TMEM50B: variants seen among roughly 807,000 people sequenced by gnomAD.
The protein encoded by TMEM50B is transmembrane protein 50B.
TMEM50B carries 14 observed loss-of-function variants against 23.4 expected under a neutral mutation model. The observed-to-expected ratio is 0.60, with a 90% confidence interval of 0.39 to 0.93. The LOEUF is 0.93. Ranked by LOEUF, TMEM50B falls within the 40% of genes least tolerant of loss-of-function variation. TMEM50B has a pLI of 0.00. For synonymous variants in TMEM50B, 64 were observed against 62.3 expected (o/e 1.03, Z -0.13); for missense variants, 159 against 193.0 (o/e 0.82, Z 1.04).
Position 33,450,738 on chromosome 21 carries a change from T to C in TMEM50B, c.*80A>G. On this transcript the variant is annotated 3_prime_UTR_variant, in exon 7 of 7. Transcript: ENST00000542230. The stretch of plus-strand genomic sequence containing the variant: ...ACATTTAATGTACAATCTACTCCAT[T>C]TGGCAATGTGTACTGAGAGATAAAA... The C allele has an allele frequency of 3.8e-6, 4 of 1,060,576 alleles. No homozygotes were observed. The highest frequency in any genetic ancestry group is 2.4e-5 in the East Asian group (1 of 41,786). 65.7% of individuals were successfully genotyped at this position (1,060,576 alleles called of 1,614,324 possible). A position where few individuals can be genotyped will look rare whatever the true frequency, so the allele number is the denominator to read the frequency against.
chr21:33,473,478 A>C (rs1601135103), intron 1 of TMEM50B, among the ~76,000 whole-genome samples: 1 of 147,050 alleles, frequency 6.8e-6, no homozygotes, highest in African/African-American at 2.5e-5. Flanking sequence ...AAAAAAAAAA[A>C]CTCAATCCCA....
chr21:33,468,017 T>C (rs1221971936), intron 2 of TMEM50B, among the ~76,000 whole-genome samples: 1 of 143,550 alleles, frequency 7.0e-6, no homozygotes, highest in East Asian at 2.0e-4. Context: ...CATCTGTAAA[T>C]AGCAACTGTA....
At chr21:33,432,715 C>A in exon 9 of TMEM50B, 1 of 1,614,112 alleles carries the variant, frequency 6.2e-7, no homozygotes, top group South Asian at 1.1e-5. Flanking sequence ...TCTTTTTAGC[C>A]TCCACTGAGC....
At chr21:33,462,090 T>A (rs1296426092) in intron 4 of TMEM50B, among the ~76,000 whole-genome samples, 1 of 152,188 alleles carries the variant, frequency 6.6e-6, no homozygotes, top group East Asian at 1.9e-4. Context: ...CTAAGTACAA[T>A]GATCATTTTT....
At chr21:33,447,101 C>A (rs1341351378), downstream of TMEM50B, 1 of 150,638 alleles carries the variant, frequency 6.6e-6, no homozygotes, top group Non-Finnish European at 1.5e-5. Context: ...TGAGATTGCA[C>A]CACTACACTC....
chr21:33,432,545 ATTGACT>A, exon 9 of TMEM50B: 1 of 877,508 alleles, frequency 1.1e-6, no homozygotes, highest in Admixed American at 1.9e-5. Context: ...TCATTACAGG[ATTGACT>A]TTAGCTATTA....
At chr21:33,447,679 A>AAT (rs1269955191), downstream of TMEM50B, among the ~76,000 whole-genome samples, 27 of 86,298 alleles carry the variant, frequency 3.1e-4, no homozygotes, top group African/African-American at 1.0e-3. Context: ...TGTGTATAGA[A>AAT]ATACACACAC....
intron 6 of TMEM50B, among the ~76,000 whole-genome samples, chr21:33,455,240 G>A (rs560310539): frequency 2.6e-5 from 4 of 152,096 alleles, no homozygotes; most frequent in South Asian, 2.1e-4. Flanking sequence ...GCCCAGGCTG[G>A]AGTACAGTGG....
rs188272009 is a variant in TMEM50B, at chr21:33,438,065, G to A, written c.*2120+1149C>T. Reference sequence around the variant, plus strand: ...TTTGGGAGGTCAAGATGGGAGGATCGCTTGAGGCCAGGAGTTTGAGAACAG... The same window carrying A: ...TTTGGGAGGTCAAGATGGGAGGATCACTTGAGGCCAGGAGTTTGAGAACAG... On this transcript the variant is annotated intron_variant and NMD_transcript_variant, in intron 8 of 8. Transcript: ENST00000420455. Among the ~76,000 whole-genome samples the A allele has an allele frequency of 2.3e-4, 35 of 149,936 alleles. No homozygotes were observed. In the East Asian group the frequency reaches 4.2e-3, roughly 18 times the overall value.
At chr21:33,439,118 A>G (rs373350879) in intron 8 of TMEM50B, 3 of 152,274 alleles carry the variant, frequency 2.0e-5, no homozygotes, top group East Asian at 3.9e-4. Flanking sequence ...CCATGCACAC[A>G]AGTCTCCCTG....
At chr21:33,467,346 C>T (rs1289715666) in intron 2 of TMEM50B, among the ~76,000 whole-genome samples, 3 of 151,954 alleles carry the variant, frequency 2.0e-5, no homozygotes, top group Non-Finnish European at 4.4e-5. Context: ...AATACAAGGC[C>T]GGGCGCAGTG....
chr21:33,453,202 G>A (rs757717849), intron 6 of TMEM50B, among the ~76,000 whole-genome samples: 2 of 152,036 alleles, frequency 1.3e-5, no homozygotes, highest in Non-Finnish European at 2.9e-5. Context: ...TGATTCTCTG[G>A]CCTCAGCCTT....
At chr21:33,446,665 A>C (rs1471473932), downstream of TMEM50B, among the ~76,000 whole-genome samples, 2 of 147,342 alleles carry the variant, frequency 1.4e-5, no homozygotes, top group Non-Finnish European at 3.0e-5. Context: ...CAAAAAAAAA[A>C]AAAAAAAAAA....
downstream of TMEM50B, among the ~76,000 whole-genome samples, chr21:33,446,863 G>A (rs575500973): frequency 8.5e-3 from 1 of 118 alleles, no homozygotes; most frequent in Non-Finnish European, 0.021. Flanking sequence ...AAGCAAGAAG[G>A]CGGGGCGCAG....
chr21:33,461,802 CA>C (rs71322214), intron 4 of TMEM50B, among the ~76,000 whole-genome samples: 157 of 140,584 alleles, frequency 1.1e-3, no homozygotes, highest in Middle Eastern at 3.7e-3. Context: ...AAAACTGTTT[CA>C]AAAAAAAAAA....
At chr21:33,478,205 A>G (rs2084392002) in intron 1 of TMEM50B, among the ~76,000 whole-genome samples, 1 of 151,968 alleles carries the variant, frequency 6.6e-6, no homozygotes, top group African/African-American at 2.4e-5. Flanking sequence ...CGGTGCCCAC[A>G]CCTGTAATCC....
At chr21:33,463,061 G>A (rs1411516629) in intron 4 of TMEM50B, among the ~76,000 whole-genome samples, 1 of 152,112 alleles carries the variant, frequency 6.6e-6, no homozygotes. Context: ...GGAGGCCAAG[G>A]CGGGTGCATC....
chr21:33,478,844 A>C (rs1328118440), intron 1 of TMEM50B: 1 of 471,154 alleles, frequency 2.1e-6, no homozygotes. Flanking sequence ...GACCGGCCTG[A>C]GAGTTCAGAG....
At position 33,449,385 on chromosome 21, in the gene TMEM50B, C is replaced by G. The variant is rs1200219337; in HGVS notation, c.*1433G>C. 1 of 152,536 alleles carries G rather than the reference C, an allele frequency of 6.6e-6. No homozygotes were observed. Among genetic ancestry groups the G allele is most frequent in the Non-Finnish European group, 1.5e-5 (1 of 68,036 alleles). The allele number at this position is 152,536 out of a possible 1,614,324, so 9.4% of individuals were successfully genotyped here. A position where few individuals can be genotyped will look rare whatever the true frequency, so the allele number is the denominator to read the frequency against. On this transcript the variant is annotated 3_prime_UTR_variant, in exon 7 of 7. Coordinates refer to ENST00000542230, the MANE Select transcript of TMEM50B (RefSeq NM_006134.7). ...GATGCCAAATGGGCTTACATTAGAG[C>G]CGTGGACACTACCACTGGTATTATT...
Sources: allele counts gnomAD v4.1 joint callset (sites outside exome capture counted in the v4.1 genomes callset), GRCh38; gene constraint gnomAD v4.1.1; transcripts MANE v1.5; gene names NCBI Gene and HGNC (gene_info 2026-07-23, HGNC 2026-07-21).